Variants in ASPH observed in about 807,000 individuals in gnomAD.
The protein encoded by ASPH is aspartyl/asparaginyl beta-hydroxylase.
A neutral mutation model predicts 118.4 loss-of-function variants in ASPH; 100 were observed. The ratio of observed to expected loss-of-function variants is 0.84; its 90% CI spans 0.72 to 1.00. The LOEUF (loss-of-function observed/expected upper bound fraction) is 1.00. Among genes scored for constraint, ASPH ranks in the 50% least tolerant of loss-of-function variants. The pLI is 0.00. For synonymous variants in ASPH, 315 were observed against 325.6 expected (o/e 0.97, Z 0.35); for missense variants, 920 against 919.5 (o/e 1.00, Z -0.01).
At chr8:61,632,232 T>C (rs1216695820) in intron 13 of ASPH, among the ~76,000 whole-genome samples, 2 of 152,174 alleles carry the variant, frequency 1.3e-5, no homozygotes, top group Non-Finnish European at 2.9e-5. Flanking sequence ...AAATAAACTA[T>C]TGGGTTCAGT....
At chr8:61,534,677 A>G (rs1818827623) in intron 21 of ASPH, among the ~76,000 whole-genome samples, 1 of 152,170 alleles carries the variant, frequency 6.6e-6, no homozygotes, top group Non-Finnish European at 1.5e-5. Flanking sequence ...AACCATTTTA[A>G]TTTTGTTCTA....
intron 1 of ASPH, among the ~76,000 whole-genome samples, chr8:61,696,235 A>G (rs1833901125): frequency 6.6e-6 from 1 of 152,250 alleles, no homozygotes; most frequent in Non-Finnish European, 1.5e-5. Flanking sequence ...CATGGCTGGA[A>G]GAATGACAAG....
At chr8:61,554,274 G>A (rs550084502) in intron 19 of ASPH, among the ~76,000 whole-genome samples, 15 of 152,338 alleles carry the variant, frequency 9.8e-5, no homozygotes, top group Non-Finnish European at 1.8e-4. Flanking sequence ...CAGATATGAC[G>A]TTTCAAGAGA....
chr8:61,632,410 T>C (rs1046774982), intron 13 of ASPH, among the ~76,000 whole-genome samples: 3 of 152,212 alleles, frequency 2.0e-5, no homozygotes, highest in Admixed American at 2.0e-4. Flanking sequence ...AGTCATGGAA[T>C]AGTCATCAAA....
Position 61,534,227 on chromosome 8 carries a change from G to A in ASPH, c.1765-8115C>T, listed in dbSNP as rs182366148. 6.1e-4 allele frequency among the ~76,000 whole-genome samples: 93 copies of A among 152,190 alleles called. 1 individual carries two copies. The Middle Eastern group carries it at 0.027, about 45-fold the overall frequency. On this transcript the variant is annotated intron_variant, in intron 21 of 24. Coordinates refer to ENST00000379454, the MANE Select transcript of ASPH (RefSeq NM_004318.4). The stretch of plus-strand genomic sequence containing the variant: ...CTCCCAAAGTGCTGGGATTACAGGC[G>A]TGAGCCACCATGCCCAGCCCACTCA...
In ASPH at chr8:61,536,384, G is replaced by A. The variant is rs6992793; in HGVS notation, c.1765-10272C>T. Reference sequence around the variant, plus strand: ...GTGGAAATAAAAGTCAATGAAGTGAGAAATGCAAAGCCTATTTATTCTAAG... The same window carrying A: ...GTGGAAATAAAAGTCAATGAAGTGAAAAATGCAAAGCCTATTTATTCTAAG... On this transcript the variant is annotated intron_variant, in intron 21 of 24. Coordinates refer to ENST00000379454, the MANE Select transcript of ASPH (RefSeq NM_004318.4). Among the ~76,000 whole-genome samples the A allele has an allele frequency of 2.3e-4, 35 of 152,266 alleles. No individual in the cohort carries two copies. The South Asian group carries it at 5.8e-3, about 25-fold the overall frequency.
intron 10 of ASPH, among the ~76,000 whole-genome samples, chr8:61,639,130 T>A (rs1488743534): frequency 6.6e-6 from 1 of 152,216 alleles, no homozygotes; most frequent in Admixed American, 6.5e-5. Context: ...ATTTGAAAGA[T>A]GAAGGAGCAG....
At chr8:61,617,947 AAAAGAAAGAAAG>A (rs1180435712) in intron 14 of ASPH, among the ~76,000 whole-genome samples, 1 of 150,774 alleles carries the variant, frequency 6.6e-6, no homozygotes, top group African/African-American at 2.4e-5. Flanking sequence ...AAAAAAAAAA[AAAAGAAAGAAAG>A]AAAGAAAGAA....
rs1280695549 is a variant in ASPH, at chr8:61,500,633, A to ACAT, written c.*2723_*2725dup. On this transcript the variant is annotated 3_prime_UTR_variant, in exon 25 of 25. Coordinates refer to ENST00000379454, the MANE Select transcript of ASPH (RefSeq NM_004318.4). Reference sequence around the variant, plus strand: ...CAACTACTCATTCAAAAGAAATCAGACATAAAATAAACAGACATCATATAT... The same window carrying ACAT: ...CAACTACTCATTCAAAAGAAATCAGACATCATAAAATAAACAGACATCATATAT... 2.2e-5 allele frequency: 3 copies of ACAT among 137,430 alleles called. No homozygotes were observed. The highest frequency in any genetic ancestry group is 2.2e-4 in the South Asian group (1 of 4,464). 8.5% of individuals were successfully genotyped at this position (137,430 alleles called of 1,614,324 possible).
In ASPH at chr8:61,684,221, A is replaced by T. The variant is rs368209729; in HGVS notation, c.104-33T>A. 4.4e-6 allele frequency: 7 copies of T among 1,582,582 alleles called. No individual in the cohort carries two copies. The African/African-American group carries it at 9.5e-5, about 21-fold the overall frequency. On this transcript the variant is annotated intron_variant, in intron 1 of 24. Coordinates refer to ENST00000379454, the MANE Select transcript of ASPH (RefSeq NM_004318.4). Reference sequence around the variant, plus strand: ...GAAATAAATGTAAGATATCATAAGAAGAAAACATTTTACTGAACACTTATT... The same window carrying T: ...GAAATAAATGTAAGATATCATAAGATGAAAACATTTTACTGAACACTTATT...
chr8:61,624,462 G>A, intron 13 of ASPH: 1 of 976,920 alleles, frequency 1.0e-6, no homozygotes, highest in Non-Finnish European at 1.2e-6. Context: ...TAAAATACTA[G>A]TAAGGATAAA....
intron 14 of ASPH, among the ~76,000 whole-genome samples, chr8:61,588,344 G>C (rs1563931339): frequency 6.6e-6 from 1 of 152,218 alleles, no homozygotes; most frequent in Non-Finnish European, 1.5e-5. Flanking sequence ...AAGGATAGCT[G>C]AAGGCAGGAG....
intron 21 of ASPH, among the ~76,000 whole-genome samples, chr8:61,532,490 C>T (rs1217200603): frequency 6.6e-6 from 1 of 152,086 alleles, no homozygotes; most frequent in Non-Finnish European, 1.5e-5. Flanking sequence ...ATTGCTTTTT[C>T]ATTTTATTGT....
chr8:61,590,201 T>C (rs778524757), intron 14 of ASPH, among the ~76,000 whole-genome samples: 2 of 151,350 alleles, frequency 1.3e-5, no homozygotes, highest in African/African-American at 2.4e-5. Flanking sequence ...TGCTCAGGGA[T>C]CCCAGACACT....
At chr8:61,542,733 T>A (rs1822407024) in intron 21 of ASPH, among the ~76,000 whole-genome samples, 1 of 152,192 alleles carries the variant, frequency 6.6e-6, no homozygotes, top group Non-Finnish European at 1.5e-5. Flanking sequence ...ATCTGGTATC[T>A]TTTTATGTCA....
chr8:61,687,423 T>C (rs1830978857), intron 1 of ASPH: 1 of 152,232 alleles, frequency 6.6e-6, no homozygotes, highest in Admixed American at 6.5e-5. Context: ...TTGTTTACAT[T>C]TTTATTTTAG....
chr8:61,675,498 C>A, intron 3 of ASPH: 1 of 981,614 alleles, frequency 1.0e-6, no homozygotes. Flanking sequence ...ATTTTAAAAG[C>A]ACCATTAACA....
chr8:61,602,255 C>A (rs987614943), intron 14 of ASPH, among the ~76,000 whole-genome samples: 1 of 151,222 alleles, frequency 6.6e-6, no homozygotes, highest in Admixed American at 6.6e-5. Context: ...AGGAATAATG[C>A]ATCATGAGTT....
intron 1 of ASPH, among the ~76,000 whole-genome samples, chr8:61,698,917 A>C (rs1834584334): frequency 6.6e-6 from 1 of 152,250 alleles, no homozygotes; most frequent in South Asian, 2.1e-4. Context: ...AAAATTGCAT[A>C]AACAATTAAC....
Sources: allele counts gnomAD v4.1 joint callset (sites outside exome capture counted in the v4.1 genomes callset), GRCh38; gene constraint gnomAD v4.1.1; transcripts MANE v1.5; gene names NCBI Gene and HGNC (gene_info 2026-07-23, HGNC 2026-07-21).